The following DCC variants were observed in gnomAD, a reference collection of about 807,000 sequenced individuals.
DCC encodes the protein netrin receptor DCC.
Under a neutral mutation model 172.5 loss-of-function variants are expected in DCC, and 58 were observed. The observed-to-expected ratio is 0.34, with a 90% CI of 0.27 to 0.42. The LOEUF (loss-of-function observed/expected upper bound fraction) is 0.42. DCC is among the 10% of genes least tolerant of loss of function. The pLI is 1.00. For synonymous variants in DCC, 709 were observed against 644.5 expected (o/e 1.10, Z -1.52); for missense variants, 1,740 against 1,791.0 (o/e 0.97, Z 0.51).
intron 1 of DCC, among the ~76,000 whole-genome samples, chr18:52,586,657 T>A (rs1021907102): frequency 1.3e-5 from 2 of 152,106 alleles, no homozygotes; most frequent in Admixed American, 1.3e-4. Flanking sequence ...GGGGTGACGG[T>A]GAGTGGTGCC....
chr18:53,060,397 T>G (rs1465938117), intron 5 of DCC, among the ~76,000 whole-genome samples: 3 of 152,200 alleles, frequency 2.0e-5, no homozygotes, highest in East Asian at 3.9e-4. Flanking sequence ...GAAAAGTTAT[T>G]TTTTCCCTTG....
intron 5 of DCC, among the ~76,000 whole-genome samples, chr18:53,024,307 C>T (rs2041925556): frequency 6.6e-6 from 1 of 152,048 alleles, no homozygotes; most frequent in African/African-American, 2.4e-5. Flanking sequence ...ACAAATGGAC[C>T]TGATGTTCTT....
chr18:52,416,925 C>A (rs926706102), intron 1 of DCC, among the ~76,000 whole-genome samples: 45 of 152,044 alleles, frequency 3.0e-4, no homozygotes, highest in Middle Eastern at 3.4e-3. Flanking sequence ...ATGATGTTAG[C>A]TGGTTATTTT....
intron 8 of DCC, among the ~76,000 whole-genome samples, chr18:53,177,276 C>T (rs2055116253): frequency 6.6e-6 from 1 of 151,916 alleles, no homozygotes; most frequent in Admixed American, 6.6e-5. Flanking sequence ...CACATGTATA[C>T]ATATGTAACT....
intron 2 of DCC, among the ~76,000 whole-genome samples, chr18:52,794,788 T>C (rs1165939896): frequency 6.6e-6 from 1 of 152,016 alleles, no homozygotes; most frequent in South Asian, 2.1e-4. Flanking sequence ...ATATATATGG[T>C]CTTTCTTTAT....
intron 1 of DCC, among the ~76,000 whole-genome samples, chr18:52,656,004 A>ATATACATGTGTGTATATATATGTGCG (rs61258462): frequency 0.051 from 5,072 of 99,710 alleles, 284 homozygotes; most frequent in African/African-American, 0.15. Context: ...ATATGTGCGT[A>ATATACATGTGTGTATATATATGTGCG]TATATATATG....
intron 5 of DCC, among the ~76,000 whole-genome samples, chr18:52,962,982 C>T (rs2040867861): frequency 6.6e-6 from 1 of 151,050 alleles, no homozygotes; most frequent in Non-Finnish European, 1.5e-5. Flanking sequence ...GGAAGGATAG[C>T]ATTTGGAGAT....
intron 1 of DCC, among the ~76,000 whole-genome samples, chr18:52,726,126 G>A (rs1441706501): frequency 6.6e-6 from 1 of 152,156 alleles, no homozygotes; most frequent in Non-Finnish European, 1.5e-5. Context: ...ACTAACTACA[G>A]GTAATATGTT....
At chr18:52,817,080 TATCCCTTGATCCAA>T (rs1299679298) in intron 2 of DCC, among the ~76,000 whole-genome samples, 1 of 152,188 alleles carries the variant, frequency 6.6e-6, no homozygotes, top group Admixed American at 6.5e-5. Flanking sequence ...TTGACCATTA[TATCCCTTGATCCAA>T]ATTATTTATT....
intron 19 of DCC, among the ~76,000 whole-genome samples, chr18:53,403,370 TAAATC>T (rs1262730081): frequency 6.6e-5 from 10 of 152,292 alleles, no homozygotes; most frequent in African/African-American, 1.9e-4. Flanking sequence ...GCTTCTTACT[TAAATC>T]ATAAAGTTCA....
chr18:52,398,595 A>C (rs1028359117), intron 1 of DCC, among the ~76,000 whole-genome samples: 3 of 151,976 alleles, frequency 2.0e-5, no homozygotes, highest in Non-Finnish European at 4.4e-5. Context: ...GGAAGAATAC[A>C]GAGAGGCAAC....
At chr18:52,842,156 T>G (rs1460325478) in intron 2 of DCC, among the ~76,000 whole-genome samples, 1 of 152,176 alleles carries the variant, frequency 6.6e-6, no homozygotes, top group Non-Finnish European at 1.5e-5. Context: ...TAAATACCAT[T>G]GCTTCCTTTC....
At chr18:53,330,756 A>G (rs2057522120) in intron 14 of DCC, among the ~76,000 whole-genome samples, 1 of 152,046 alleles carries the variant, frequency 6.6e-6, no homozygotes, top group Non-Finnish European at 1.5e-5. Flanking sequence ...TTTCACATAT[A>G]TTTCACACCT....
intron 2 of DCC, among the ~76,000 whole-genome samples, chr18:52,781,595 C>T (rs1162787234): frequency 6.6e-6 from 1 of 151,978 alleles, no homozygotes; most frequent in East Asian, 1.9e-4. Context: ...ATTAATATTT[C>T]ATAGTCTGCC....
intron 5 of DCC, among the ~76,000 whole-genome samples, chr18:53,055,005 G>T (rs1051086498): frequency 2.0e-5 from 3 of 152,024 alleles, no homozygotes; most frequent in African/African-American, 4.8e-5. Context: ...CTTAAATGTT[G>T]TTCCCCGCTT....
At chr18:53,051,609 T>A (rs1043101253) in intron 5 of DCC, among the ~76,000 whole-genome samples, 4 of 152,160 alleles carry the variant, frequency 2.6e-5, no homozygotes, top group African/African-American at 9.7e-5. Flanking sequence ...AGTGGATTTG[T>A]ATATAAAAGA....
chr18:53,144,591 G>C (rs1418776235), intron 7 of DCC, among the ~76,000 whole-genome samples: 1 of 152,110 alleles, frequency 6.6e-6, no homozygotes, highest in Non-Finnish European at 1.5e-5. Flanking sequence ...CTCCCACCAG[G>C]TCCCTCCCAC....
At chr18:52,693,329 A>G (rs1212384204) in intron 1 of DCC, among the ~76,000 whole-genome samples, 1 of 148,332 alleles carries the variant, frequency 6.7e-6, no homozygotes, top group African/African-American at 2.4e-5. Context: ...TCTAAATATT[A>G]TATGCTATAA....
intron 1 of DCC, among the ~76,000 whole-genome samples, chr18:52,501,772 T>G (rs2031031615): frequency 6.6e-6 from 1 of 152,198 alleles, no homozygotes; most frequent in South Asian, 2.1e-4. Context: ...AATTAGTTGT[T>G]GCTTAGGGCA....
Sources: gnomAD v4.1 joint callset for allele counts (sites outside exome capture counted in the v4.1 genomes callset) on GRCh38, gnomAD v4.1.1 for gene constraint, MANE v1.5 for transcripts, NCBI Gene and HGNC (gene_info 2026-07-23, HGNC 2026-07-21) for gene names.